CHD2: variants seen among roughly 807,000 people sequenced by gnomAD.
The protein encoded by CHD2 is chromodomain helicase DNA binding protein 2, also known as ATP-dependent chromatin remodeler CHD2.
In CHD2, 28 loss-of-function variants were observed where a neutral mutation model predicts 243.9. That is an observed-to-expected ratio of 0.11 (90% confidence interval 0.09 to 0.16). CHD2 has a LOEUF of 0.16. Ranked by LOEUF, CHD2 falls within the 10% of genes least tolerant of loss-of-function variation. The pLI is 1.00. For missense variants in CHD2, 1,386 were observed against 2,209.8 expected (o/e 0.63, Z 7.47); for synonymous variants, 775 against 779.0 (o/e 0.99, Z 0.09).
intron 12 of CHD2, 22 bp downstream of exon 12, chr15:92,946,238 G>T (rs2053465208): frequency 1.3e-6 from 2 of 1,584,094 alleles, no homozygotes; most frequent in Admixed American, 1.8e-5. Context: ...GTTGGCTTTT[G>T]TTTTTTCAGG....
At chr15:93,019,352 A>G (rs1395629185) in intron 37 of CHD2, among the ~76,000 whole-genome samples, 1 of 152,202 alleles carries the variant, frequency 6.6e-6, no homozygotes, top group East Asian at 1.9e-4. Context: ...AGAGTCTGCC[A>G]CAGATTGGAA....
Position 92,972,307 on chromosome 15 carries a change from C to T in CHD2, c.2395C>T (p.Leu799=), listed in dbSNP as rs369618673. Residue 799 remains leucine (L), a synonymous_variant, in exon 19 of 39, where the codon CTG becomes TTG. Transcript: ENST00000394196. ...SSGKLILLDK[L]LTRLRERGNR... is the part of the protein sequence containing the mutation. ...TGGGAAGTTGATTTTATTAGACAAA[C>T]TGTTGACAAGACTTCGAGAAAGGGG... 41 of 1,612,354 alleles carry T rather than the reference C, an allele frequency of 2.5e-5. No homozygotes were observed. Among genetic ancestry groups the T allele is most frequent in the Non-Finnish European group, 3.2e-5 (38 of 1,179,420 alleles).
In CHD2 at chr15:92,976,078, C is replaced by G. The variant is rs117534152; in HGVS notation, c.2577+1128C>G. On this transcript the variant is annotated intron_variant, in intron 20 of 38. Transcript: ENST00000394196. ...CATTGCCCAGTGCATAGTAAGCGCT[C>G]TAAATATCTGCTATTTTTATCATGT... Among the ~76,000 whole-genome samples the G allele has an allele frequency of 5.2e-4, 79 of 152,208 alleles. 1 individual carries two copies. In the East Asian group the frequency reaches 0.014, roughly 27 times the overall value.
chr15:92,956,958 A>T (rs75354128), intron 16 of CHD2, among the ~76,000 whole-genome samples: 9,851 of 152,292 alleles, frequency 0.065, 453 homozygotes, highest in South Asian at 0.11. Flanking sequence ...CAATATAAGT[A>T]AAATGAAATA....
intron 2 of CHD2, among the ~76,000 whole-genome samples, chr15:92,918,835 A>G (rs917532628): frequency 1.3e-4 from 19 of 151,650 alleles, no homozygotes; most frequent in African/African-American, 4.4e-4. Context: ...ATATATATAC[A>G]TACACACATA....
At chr15:92,932,566 A>G (rs1276945335) in intron 5 of CHD2, among the ~76,000 whole-genome samples, 1 of 151,466 alleles carries the variant, frequency 6.6e-6, no homozygotes, top group Non-Finnish European at 1.5e-5. Context: ...TCCTTGCGAT[A>G]GTTTGCTCAG....
intron 2 of CHD2, among the ~76,000 whole-genome samples, chr15:92,909,779 A>C (rs1489930630): frequency 6.6e-6 from 1 of 151,676 alleles, no homozygotes; most frequent in Admixed American, 6.6e-5. Context: ...GACCTCCGAA[A>C]GTGCTGGGAT....
Position 92,956,658 on chromosome 15 carries a change from C to T in CHD2, c.2000+9C>T. ...TTTATTATGCCGGAGAAGTAAGCTC[C>T]TTCCTGTGTATTTCAAAAGATGCTA... On this transcript the variant is annotated intron_variant, in intron 16 of 38. Coordinates refer to ENST00000394196, the MANE Select transcript of CHD2 (RefSeq NM_001271.4). 1 of 1,597,740 alleles carries T rather than the reference C, an allele frequency of 6.3e-7. No individual in the cohort carries two copies. The highest frequency in any genetic ancestry group is 8.5e-7 in the Non-Finnish European group (1 of 1,175,114).
At chr15:92,909,028 A>C (rs555714547) in intron 2 of CHD2, among the ~76,000 whole-genome samples, 1 of 151,956 alleles carries the variant, frequency 6.6e-6, no homozygotes, top group African/African-American at 2.4e-5. Flanking sequence ...CTGAGGCCGG[A>C]CAATCTCCTG....
In CHD2 at chr15:93,019,660, G is replaced by T. The variant is rs146961802; in HGVS notation, c.4907-352G>T. 3.8e-3 allele frequency among the ~76,000 whole-genome samples: 574 copies of T among 152,286 alleles called. 5 individuals are homozygous for T. The highest frequency in any genetic ancestry group is 0.013 in the African/African-American group (558 of 41,554). On this transcript the variant is annotated intron_variant, in intron 37 of 38. Transcript: ENST00000394196. The stretch of plus-strand genomic sequence containing the variant: ...ACAAAAATAAAAAATAAGGCTGGGC[G>T]TGGTGGCTCACAGCTGTAATCCCAG...
intron 2 of CHD2, among the ~76,000 whole-genome samples, chr15:92,907,307 T>G (rs1040228500): frequency 7.2e-5 from 11 of 152,254 alleles, no homozygotes; most frequent in Non-Finnish European, 1.2e-4. Context: ...GTTATGGGTC[T>G]TCTTGTTTGG....
chr15:92,959,684 G>A (rs2053660294), intron 16 of CHD2, among the ~76,000 whole-genome samples: 2 of 152,130 alleles, frequency 1.3e-5, no homozygotes, highest in South Asian at 4.1e-4. Context: ...TAGAAATGGG[G>A]TTTTGCCATG....
intron 36 of CHD2, 126 bp from the exon 37 acceptor site, chr15:93,014,570 T>C (rs1367192863): frequency 5.3e-6 from 4 of 755,704 alleles, no homozygotes; most frequent in Non-Finnish European, 8.7e-6. Context: ...TGTTAGGAGG[T>C]AGTAAACGCC....
intron 17 of CHD2, among the ~76,000 whole-genome samples, chr15:92,969,182 T>C (rs2053807020): frequency 1.3e-5 from 2 of 152,256 alleles, no homozygotes; most frequent in African/African-American, 2.4e-5. Flanking sequence ...CTGGCAACTC[T>C]AGATACTTCC....
At position 92,985,480 on chromosome 15, in the gene CHD2, TGC is replaced by T; in HGVS notation, c.3238-17_3238-16del. On this transcript the variant is annotated splice_polypyrimidine_tract_variant and intron_variant, in intron 25 of 38. Transcript: ENST00000394196. The stretch of plus-strand genomic sequence containing the variant: ...CTTCGCACTTGTTACAGTGTGACTT[TGC>T]CTCGATCTTTCTCAGGCTCAGACAA... 6.3e-7 allele frequency: 1 copy of T among 1,599,060 alleles called. No homozygotes were observed.
At chr15:92,911,411 A>G (rs1233919559) in intron 2 of CHD2, among the ~76,000 whole-genome samples, 6 of 152,218 alleles carry the variant, frequency 3.9e-5, no homozygotes, top group African/African-American at 9.6e-5. Context: ...TTGATTAAGC[A>G]TCTTGTGAAA....
At chr15:93,012,141 C>A (rs62023153) in intron 35 of CHD2, among the ~76,000 whole-genome samples, 1 of 152,098 alleles carries the variant, frequency 6.6e-6, no homozygotes. Context: ...CTTAAAGTTG[C>A]AATTTCCAAG....
In CHD2 at chr15:92,999,083, C is replaced by CAAAA. The variant is rs55738843; in HGVS notation, c.4008+493_4008+496dup. Reference sequence around the variant, plus strand: ...TGGGCAACAGAGCGAGACTCCGTCTCAAAAAAAAAAAAAAAAAAAAAAAAA... The same window carrying CAAAA: ...TGGGCAACAGAGCGAGACTCCGTCTCAAAAAAAAAAAAAAAAAAAAAAAAAAAAA... On this transcript the variant is annotated intron_variant, in intron 31 of 38. Transcript: ENST00000394196. Among the ~76,000 whole-genome samples, 349 of 65,526 alleles carry CAAAA rather than the reference C, an allele frequency of 5.3e-3. 16 individuals carry two copies. Among genetic ancestry groups the CAAAA allele is most frequent in the Middle Eastern group, 0.011 (1 of 90 alleles). The allele number at this position is 65,526 out of a possible 152,430, so 43.0% of individuals were successfully genotyped here.
intron 38 of CHD2, 101 bp downstream of exon 38, chr15:93,020,359 T>C: frequency 7.0e-7 from 1 of 1,428,736 alleles, no homozygotes. Flanking sequence ...ATCAAATTAC[T>C]GAAGATCTCA....
Sources: gnomAD v4.1 joint callset for allele counts (sites outside exome capture counted in the v4.1 genomes callset) on GRCh38, gnomAD v4.1.1 for gene constraint, MANE v1.5 for transcripts, NCBI Gene and HGNC (gene_info 2026-07-23, HGNC 2026-07-21) for gene names.